LY86: variants seen among roughly 807,000 people sequenced by gnomAD.
The protein encoded by LY86 is MD-1, RP105-associated.
Under a neutral mutation model 17.3 loss-of-function variants are expected in LY86, and 20 were observed. That is an observed-to-expected ratio of 1.15 (90% CI 0.81 to 1.68). LY86 has a LOEUF of 1.68. Ranked by LOEUF, LY86 falls within the 40% of genes most tolerant of loss-of-function variation. LY86 has a pLI of 0.00. For missense variants in LY86, 200 were observed against 191.9 expected (o/e 1.04, Z -0.25); for synonymous variants, 74 against 70.6 (o/e 1.05, Z -0.24).
Position 6,588,761 on chromosome 6 carries a change from C to A in LY86, c.27C>A (p.Phe9Leu). 1 of 1,614,212 alleles carries A rather than the reference C, an allele frequency of 6.2e-7. No individual in the cohort carries two copies. The highest frequency in any genetic ancestry group is 2.2e-5 in the East Asian group (1 of 44,888). Residue 9 changes from phenylalanine to leucine, a missense_variant, in exon 1 of 5, where the codon TTC becomes TTA. By Grantham distance (22) the Phe-to-Leu change is conservative. Transcript: ENST00000230568. MKGFTATL[F>L]LWTLIFPSCS... ...TGAAGGGTTTCACAGCCACTCTCTT[C>A]CTCTGGACTCTGATTTTTCCCAGCT...
intron 1 of LY86, 118 bp from the exon 2 acceptor site, chr6:6,624,808 C>A: frequency 1.6e-6 from 1 of 609,554 alleles, no homozygotes; most frequent in East Asian, 3.1e-5. Context: ...AAGTGTTGGG[C>A]AATATGCTTT....
intron 1 of LY86, among the ~76,000 whole-genome samples, chr6:6,600,416 C>G (rs1760862574): frequency 6.6e-6 from 1 of 151,558 alleles, no homozygotes; most frequent in Non-Finnish European, 1.5e-5. Flanking sequence ...ATGACGATAC[C>G]CTATTTCTAC....
intron 1 of LY86, among the ~76,000 whole-genome samples, chr6:6,614,963 G>A (rs1158415378): frequency 3.9e-5 from 6 of 152,150 alleles, no homozygotes. Context: ...AGGGCTAAGC[G>A]GAGGCGGCTG....
intron 3 of LY86, among the ~76,000 whole-genome samples, chr6:6,638,752 C>T (rs1419760684): frequency 2.0e-5 from 3 of 151,550 alleles, no homozygotes; most frequent in African/African-American, 7.3e-5. Context: ...TGGTGTGCTG[C>T]ACCCATTAAC....
At chr6:6,607,201 GTTTA>G (rs915687734) in intron 1 of LY86, among the ~76,000 whole-genome samples, 4 of 152,210 alleles carry the variant, frequency 2.6e-5, no homozygotes, top group Non-Finnish European at 5.9e-5. Context: ...TAAAGACAAT[GTTTA>G]TTTATGCAAG....
intron 1 of LY86, 148 bp downstream of exon 1, chr6:6,589,018 C>G (rs1331973091): frequency 1.9e-6 from 2 of 1,044,146 alleles, no homozygotes; most frequent in African/African-American, 3.2e-5. Flanking sequence ...TCTGGGAGGG[C>G]CACTGGGAGC....
In LY86 at chr6:6,635,122, T is replaced by C. The variant is rs73718616; in HGVS notation, c.352+8701T>C. On this transcript the variant is annotated intron_variant, in intron 3 of 4. Transcript: ENST00000230568. ...AAATGCAAGCCCAGGAATTCAGGCATTGATTTAGGCTATAACAGAAGGGGA... is the reference window on the plus strand; with the variant it reads ...AAATGCAAGCCCAGGAATTCAGGCACTGATTTAGGCTATAACAGAAGGGGA... 7.5e-3 allele frequency among the ~76,000 whole-genome samples: 1,145 copies of C among 152,320 alleles called. 15 individuals are homozygous for C. The highest frequency in any genetic ancestry group is 0.026 in the African/African-American group (1,077 of 41,556).
At chr6:6,592,051 T>C (rs1404669342) in intron 1 of LY86, among the ~76,000 whole-genome samples, 1 of 152,142 alleles carries the variant, frequency 6.6e-6, no homozygotes, top group Non-Finnish European at 1.5e-5. Context: ...GGAGTGTAGA[T>C]TTTGAATTGG....
chr6:6,594,855 G>A (rs1389182967), intron 1 of LY86, among the ~76,000 whole-genome samples: 1 of 152,138 alleles, frequency 6.6e-6, no homozygotes, highest in Non-Finnish European at 1.5e-5. Flanking sequence ...AGAAACTGAA[G>A]CGTACACACA....
At chr6:6,594,720 CATT>C (rs776954309) in intron 1 of LY86, among the ~76,000 whole-genome samples, 10 of 152,312 alleles carry the variant, frequency 6.6e-5, no homozygotes, top group East Asian at 5.8e-4. Flanking sequence ...AGAGAATCAT[CATT>C]GTCATAATAA....
chr6:6,644,628 A>G (rs2113160532), intron 3 of LY86, among the ~76,000 whole-genome samples: 1 of 149,162 alleles, frequency 6.7e-6, no homozygotes, highest in Non-Finnish European at 1.5e-5. Context: ...ACACTCAGTG[A>G]CAATCACCCA....
chr6:6,651,938 C>T (rs1762192203), intron 4 of LY86, among the ~76,000 whole-genome samples: 1 of 151,290 alleles, frequency 6.6e-6, no homozygotes, highest in Admixed American at 6.6e-5. Context: ...CGCCTGTAAT[C>T]GCAGCCACTC....
At chr6:6,640,949 C>T (rs1019088772) in intron 3 of LY86, among the ~76,000 whole-genome samples, 6 of 152,142 alleles carry the variant, frequency 3.9e-5, no homozygotes, top group South Asian at 2.1e-4. Flanking sequence ...CCTCGTCAAA[C>T]GGACAGGGAG....
chr6:6,606,702 G>C (rs535513014), intron 1 of LY86, among the ~76,000 whole-genome samples: 6 of 152,218 alleles, frequency 3.9e-5, no homozygotes, highest in Admixed American at 6.5e-5. Context: ...CGGGGCTTGC[G>C]GGCGGACCTG....
At chr6:6,595,794 A>G (rs1760694751) in intron 1 of LY86, among the ~76,000 whole-genome samples, 1 of 152,192 alleles carries the variant, frequency 6.6e-6, no homozygotes. Flanking sequence ...GAGGCATGCT[A>G]ATTTCCTGAG....
intron 1 of LY86, among the ~76,000 whole-genome samples, chr6:6,604,348 A>G (rs1761024944): frequency 6.6e-6 from 1 of 152,230 alleles, no homozygotes; most frequent in Non-Finnish European, 1.5e-5. Context: ...TTAATTAAAA[A>G]AACTCAAAAC....
rs186969922 is a variant in LY86 at position 6,594,401 on chromosome 6, A to G, written c.136+5531A>G. On this transcript the variant is annotated intron_variant, in intron 1 of 4. Transcript: ENST00000230568. ...AATTCAAATTTCTGTGTCCATAAAT[A>G]CAGTTTTATTTGACACAGCTGCACC... 2.3e-3 allele frequency among the ~76,000 whole-genome samples: 345 copies of G among 149,226 alleles called. 2 individuals are homozygous for G. The highest frequency in any genetic ancestry group is 3.9e-3 in the Non-Finnish European group (260 of 67,022).
At chr6:6,645,579 A>T (rs1284487946) in intron 3 of LY86, among the ~76,000 whole-genome samples, 1 of 152,010 alleles carries the variant, frequency 6.6e-6, no homozygotes, top group African/African-American at 2.4e-5. Flanking sequence ...AGCAATTTGT[A>T]GAATTTGTAG....
At chr6:6,603,872 CAG>C (rs1270980646) in intron 1 of LY86, among the ~76,000 whole-genome samples, 9 of 151,830 alleles carry the variant, frequency 5.9e-5, no homozygotes, top group South Asian at 2.1e-4. Context: ...ATAAAAGAAA[CAG>C]AAAAAAGCAG....
Sources: allele counts gnomAD v4.1 joint callset (sites outside exome capture counted in the v4.1 genomes callset), GRCh38; gene constraint gnomAD v4.1.1; transcripts MANE v1.5; gene names NCBI Gene and HGNC (gene_info 2026-07-23, HGNC 2026-07-21).